The following GARIN5B variants were observed in gnomAD, a reference collection of about 807,000 sequenced individuals.
The protein encoded by GARIN5B is golgi associated RAB2 interactor family member 5B.
the GARIN5B span, chr19:55,362,260 G>A: frequency 3.3e-6 from 5 of 1,536,046 alleles, no homozygotes; most frequent in African/African-American, 1.4e-5. Flanking sequence ...GGTGCCAGGT[G>A]GAGGCAGGCG....
At chr19:55,359,750 G>A in the GARIN5B span, 4 of 1,551,424 alleles carry the variant, frequency 2.6e-6, no homozygotes, top group African/African-American at 2.7e-5. Flanking sequence ...AGAGTAGGGT[G>A]TGGAGAGGCA....
At chr19:55,356,188 A>G in the GARIN5B span, among the ~76,000 whole-genome samples, 2 of 151,716 alleles carry the variant, frequency 1.3e-5, no homozygotes, top group Admixed American at 6.6e-5. Flanking sequence ...CCTGGCCAAC[A>G]TGGCGAAACC....
the GARIN5B span, chr19:55,363,190 G>T: frequency 5.7e-5 from 58 of 1,016,590 alleles, no homozygotes; most frequent in African/African-American, 9.3e-4. The surrounding 1 kb of genome is among the most constrained non-coding windows in gnomAD (Gnocchi z 4.0). Flanking sequence ...GCGTTACAGA[G>T]CGTGGAGATG....
At chr19:55,360,562 C>G in the GARIN5B span, 1 of 1,076,182 alleles carries the variant, frequency 9.3e-7, no homozygotes, top group Non-Finnish European at 1.3e-6. Context: ...AGTCCAGGCC[C>G]CCCACCCCTC....
chr19:55,358,845 C>T, the GARIN5B span: 4 of 1,547,374 alleles, frequency 2.6e-6, no homozygotes, highest in Non-Finnish European at 3.5e-6. Context: ...AGTTCCTTGG[C>T]CTTGACCCAT....
the GARIN5B span, chr19:55,360,606 C>G: frequency 6.8e-7 from 1 of 1,466,844 alleles, no homozygotes; most frequent in Non-Finnish European, 9.2e-7. Flanking sequence ...GTCCCAGCCT[C>G]TCCTCCCTCA....
chr19:55,361,447 A>C, the GARIN5B span: 1 of 1,482,948 alleles, frequency 6.7e-7, no homozygotes, highest in East Asian at 2.5e-5. Flanking sequence ...GCAGAGATAG[A>C]GGGAGGCAGG....
At chr19:55,362,050 C>T in the GARIN5B span, among the ~76,000 whole-genome samples, 2 of 151,058 alleles carry the variant, frequency 1.3e-5, no homozygotes, top group African/African-American at 2.4e-5. Context: ...GCTCCTCCTC[C>T]CTCAGACCCA....
At chr19:55,359,705 A>C in the GARIN5B span, 1 of 1,551,442 alleles carries the variant, frequency 6.4e-7, no homozygotes, top group Non-Finnish European at 8.7e-7. Flanking sequence ...GTGGGAGCCC[A>C]TAGGCCCGGC....
chr19:55,358,609 C>G, the GARIN5B span: 147 of 1,551,328 alleles, frequency 9.5e-5, no homozygotes, highest in Non-Finnish European at 1.2e-4. Context: ...CTCTGACCAC[C>G]ACTGGCTTCC....
chr19:55,356,583 G>C, the GARIN5B span, among the ~76,000 whole-genome samples: 2 of 152,000 alleles, frequency 1.3e-5, no homozygotes, highest in African/African-American at 2.4e-5. Context: ...TGGGATTACA[G>C]GTGTGAACCA....
chr19:55,362,497 G>A, the GARIN5B span: 9 of 1,482,782 alleles, frequency 6.1e-6, no homozygotes, highest in Non-Finnish European at 8.2e-6. Flanking sequence ...GGTCCAGGGG[G>A]ATCATCCTGG....
the GARIN5B span, chr19:55,363,107 C>T: frequency 6.9e-7 from 1 of 1,441,248 alleles, no homozygotes; most frequent in African/African-American, 1.5e-5. This position sits in a 1 kb window ranked among gnomAD's most constrained non-coding sequence, Gnocchi z 4.0. Flanking sequence ...GGACCCAGAA[C>T]CCAGGCGTGC....
chr19:55,362,374 C>T, the GARIN5B span: 1 of 1,550,590 alleles, frequency 6.4e-7, no homozygotes, highest in South Asian at 1.2e-5. Flanking sequence ...AGCAGTGGAA[C>T]AGGAAGCCCA....
At chr19:55,360,907 T>C in the GARIN5B span, 1 of 1,542,892 alleles carries the variant, frequency 6.5e-7, no homozygotes, top group Non-Finnish European at 8.8e-7. Flanking sequence ...GAGTGGGACC[T>C]GCAGGAGCAA....
chr19:55,363,155 G>A, the GARIN5B span: 2 of 1,296,588 alleles, frequency 1.5e-6, no homozygotes, highest in Non-Finnish European at 1.0e-6. This position sits in a 1 kb window ranked among gnomAD's most constrained non-coding sequence, Gnocchi z 4.0. Context: ...TTGACCCGTG[G>A]GGCTTCACGG....
chr19:55,358,869 C>T, the GARIN5B span: 3 of 1,548,820 alleles, frequency 1.9e-6, no homozygotes, highest in Non-Finnish European at 2.6e-6. Context: ...TTCCGCTGCT[C>T]CAACTCCTTG....
chr19:55,362,165 C>T, the GARIN5B span: 1 of 1,436,776 alleles, frequency 7.0e-7, no homozygotes, highest in Non-Finnish European at 9.1e-7. Flanking sequence ...ACTTTGGGCT[C>T]TTGGTCGCAG....
At chr19:55,362,673 G>A in the GARIN5B span, 13 of 1,545,730 alleles carry the variant, frequency 8.4e-6, no homozygotes, top group East Asian at 1.7e-4. Flanking sequence ...AGGCGGCCAC[G>A]CCCATGGCCA....
Sources: allele counts gnomAD v4.1 joint callset (sites outside exome capture counted in the v4.1 genomes callset), GRCh38; gene constraint gnomAD v4.1.1; non-coding constraint Gnocchi (gnomAD v3.1); transcripts MANE v1.5; gene names NCBI Gene and HGNC (gene_info 2026-07-23, HGNC 2026-07-21).